PCDHGB1: variants seen among roughly 807,000 people sequenced by gnomAD.
The protein encoded by PCDHGB1 is protocadherin gamma subfamily B, 1.
PCDHGB1 carries 34 observed loss-of-function variants against 56.6 expected under a neutral mutation model. The ratio of observed to expected loss-of-function variants is 0.60; its 90% CI spans 0.46 to 0.80. The LOEUF (loss-of-function observed/expected upper bound fraction) is 0.80, where lower values mean the gene tolerates loss of function less well. PCDHGB1 is among the 30% of genes least tolerant of loss of function. The pLI is 0.00. For synonymous variants in PCDHGB1, 561 were observed against 505.9 expected, an observed-to-expected ratio of 1.11 and a Z score of -1.46; for missense variants, 1,278 against 1,204.6, an observed-to-expected ratio of 1.06 and a Z score of -0.90.
chr5:141,402,357 G>C (rs1486286220), intron 1 of PCDHGB1, among the ~76,000 whole-genome samples: 1 of 151,812 alleles, frequency 6.6e-6, no homozygotes, highest in Non-Finnish European at 1.5e-5. Flanking sequence ...AAAAATGAAT[G>C]TACTTCCAAA....
chr5:141,365,873 T>A, intron 1 of PCDHGB1: 4 of 1,614,096 alleles, frequency 2.5e-6, no homozygotes, highest in Non-Finnish European at 3.4e-6. Context: ...CGGTGTCCTG[T>A]ATGCTCTGAG....
rs768882594 is a variant in PCDHGB1, at chr5:141,360,320, C to T, written c.2409+7651C>T. Reference sequence around the variant, plus strand: ...CTGGGGCTCAGCGTCCGGGACTTGCCAGCCCGGAAGCTGCGGGTTAGCGCG... The same window carrying T: ...CTGGGGCTCAGCGTCCGGGACTTGCTAGCCCGGAAGCTGCGGGTTAGCGCG... On this transcript the variant is annotated intron_variant, in intron 1 of 3. Transcript: ENST00000523390. The T allele has an allele frequency of 1.1e-5, 18 of 1,613,930 alleles. No individual in the cohort carries two copies. Among genetic ancestry groups the T allele is most frequent in the Admixed American group, 6.7e-5 (4 of 60,022 alleles).
chr5:141,489,101 T>G lies in PCDHGB1; in HGVS notation c.2410-5706T>G. 1 of 398,408 alleles carries G rather than the reference T, an allele frequency of 2.5e-6. No homozygotes were observed. Among genetic ancestry groups the G allele is most frequent in the Non-Finnish European group, 4.5e-6 (1 of 223,328 alleles). The allele number at this position is 398,408 out of a possible 1,614,324, so 24.7% of individuals were successfully genotyped here. On this transcript the variant is annotated intron_variant, in intron 1 of 3. Transcript: ENST00000523390. The surrounding 1 kb of genome is among the most constrained non-coding windows in gnomAD (Gnocchi z 4.5). Reference sequence around the variant, plus strand: ...CCGCCACTCGGTGACTAAGAACTGCTGCAAGCAGGCAAACCTCCGAGCAGT... The same window carrying G: ...CCGCCACTCGGTGACTAAGAACTGCGGCAAGCAGGCAAACCTCCGAGCAGT...
chr5:141,432,649 A>C lies in PCDHGB1; in HGVS notation c.2410-62158A>C, dbSNP rs769351399. The C allele has an allele frequency of 5.6e-6, 9 of 1,613,742 alleles. No individual in the cohort carries two copies. The highest frequency in any genetic ancestry group is 6.8e-6 in the Non-Finnish European group (8 of 1,179,918). ...ACACGGGCGAGGTGCGCACGGCGCG[A>C]GCCCTGCTGGACAGAGACGCGCTCA... is the stretch of plus-strand genomic sequence containing the variant. On this transcript the variant is annotated intron_variant, in intron 1 of 3. Transcript: ENST00000523390. This position sits in a 1 kb window ranked among gnomAD's most constrained non-coding sequence, Gnocchi z 6.0.
Position 141,485,813 on chromosome 5 carries a change from G to A in PCDHGB1, c.2410-8994G>A. The A allele has an allele frequency of 1.9e-6, 3 of 1,614,078 alleles. No individual in the cohort carries two copies. Among genetic ancestry groups the A allele is most frequent in the Non-Finnish European group, 2.5e-6 (3 of 1,180,008 alleles). On this transcript the variant is annotated intron_variant, in intron 1 of 3. Coordinates refer to ENST00000523390, the MANE Select transcript of PCDHGB1 (RefSeq NM_018922.3). This position sits in a 1 kb window ranked among gnomAD's most constrained non-coding sequence, Gnocchi z 5.7. ...ATCGGACTACCGCCTGGTGCTGACT[G>A]CTGTCGATGGAGGGAACCCGCCGAG... is the stretch of plus-strand genomic sequence containing the variant.
At chr5:141,366,879 T>G (rs78336776) in intron 1 of PCDHGB1, 22 of 1,324,822 alleles carry the variant, frequency 1.7e-5, no homozygotes, top group Admixed American at 2.5e-5. Context: ...TGGAGATTAA[T>G]TTTTTTTATA....
Position 141,386,987 on chromosome 5 carries a change from A to G in PCDHGB1, c.2409+34318A>G, listed in dbSNP as rs147872708. 4.1e-3 allele frequency among the ~76,000 whole-genome samples: 628 copies of G among 152,308 alleles called. 4 individuals carry two copies. The highest frequency in any genetic ancestry group is 3.9e-3 in the Non-Finnish European group (262 of 68,032). ...CTCAGTGACTTTGTGTTTTGAGGCTATGTATTATCCCCCTGATAACTTTGA... is the reference window on the plus strand; with the variant it reads ...CTCAGTGACTTTGTGTTTTGAGGCTGTGTATTATCCCCCTGATAACTTTGA... On this transcript the variant is annotated intron_variant, in intron 1 of 3. Transcript: ENST00000523390.
Position 141,450,757 on chromosome 5 carries a change from G to A in PCDHGB1, c.2410-44050G>A, listed in dbSNP as rs575351311. Among the ~76,000 whole-genome samples, 5 of 151,964 alleles carry A rather than the reference G, an allele frequency of 3.3e-5. No individual in the cohort carries two copies. In the East Asian group the frequency reaches 9.7e-4, roughly 29 times the overall value. ...CCGCCTTGGCCTCCCAAAGTGCCGG[G>A]ATTACAGGCATGAGCCACCGTGCCC... On this transcript the variant is annotated intron_variant, in intron 1 of 3. Coordinates refer to ENST00000523390, the MANE Select transcript of PCDHGB1 (RefSeq NM_018922.3).
At position 141,477,751 on chromosome 5, in the gene PCDHGB1, G is replaced by T; in HGVS notation, c.2410-17056G>T. 1.2e-6 allele frequency: 2 copies of T among 1,613,830 alleles called. No homozygotes were observed. Among genetic ancestry groups the T allele is most frequent in the Non-Finnish European group, 1.7e-6 (2 of 1,180,022 alleles). On this transcript the variant is annotated intron_variant, in intron 1 of 3. Coordinates refer to ENST00000523390, the MANE Select transcript of PCDHGB1 (RefSeq NM_018922.3). This position sits in a 1 kb window ranked among gnomAD's most constrained non-coding sequence, Gnocchi z 4.9. ...CTCATATCAGCGATGGGGGCACCCC[G>T]GTCCTAGCCACCAACATCAGCGTGA...
chr5:141,505,078 C>G (rs535590642), intron 2 of PCDHGB1, among the ~76,000 whole-genome samples: 81 of 152,298 alleles, frequency 5.3e-4, no homozygotes, highest in African/African-American at 2.0e-3. Flanking sequence ...AGGAGAATCG[C>G]TTGAACCCAG....
intron 1 of PCDHGB1, among the ~76,000 whole-genome samples, chr5:141,472,712 G>A (rs1303609397): frequency 1.3e-5 from 2 of 151,972 alleles, no homozygotes; most frequent in Admixed American, 6.6e-5. Flanking sequence ...CAGGCCAGGC[G>A]CTGTGGCTCA....
In PCDHGB1 at chr5:141,512,133, G is replaced by A. The variant is rs1394116556; in HGVS notation, c.*960G>A. ...CCACTACATAATAGGGCTCAGCCCA[G>A]GCAGCCAGCTTTGGGCTGAGCTAAC... On this transcript the variant is annotated 3_prime_UTR_variant, in exon 4 of 4. Coordinates refer to ENST00000523390, the MANE Select transcript of PCDHGB1 (RefSeq NM_018922.3). 3 of 152,708 alleles carry A rather than the reference G, an allele frequency of 2.0e-5. No homozygotes were observed. Among genetic ancestry groups the A allele is most frequent in the Non-Finnish European group, 2.9e-5 (2 of 68,102 alleles). 9.5% of individuals were successfully genotyped at this position (152,708 alleles called of 1,614,324 possible).
Position 141,489,552 on chromosome 5 carries a change from G to T in PCDHGB1, c.2410-5255G>T, listed in dbSNP as rs2099688780. ...GTGGAGCCAGCACCAGCTGCCTGCTGCCAGTGCAGGTGGTGACTGAACACC... is the reference window on the plus strand; with the variant it reads ...GTGGAGCCAGCACCAGCTGCCTGCTTCCAGTGCAGGTGGTGACTGAACACC... On this transcript the variant is annotated intron_variant, in intron 1 of 3. Coordinates refer to ENST00000523390, the MANE Select transcript of PCDHGB1 (RefSeq NM_018922.3). The surrounding 1 kb of genome is among the most constrained non-coding windows in gnomAD (Gnocchi z 4.5). The T allele has an allele frequency of 6.2e-7, 1 of 1,613,988 alleles. No homozygotes were observed. The highest frequency in any genetic ancestry group is 1.7e-5 in the Admixed American group (1 of 60,000).
rs758674133 is a variant in PCDHGB1 at position 141,371,791 on chromosome 5, C to T, written c.2409+19122C>T. 1.9e-6 allele frequency: 3 copies of T among 1,613,820 alleles called. No homozygotes were observed. In the African/African-American group the frequency reaches 4.0e-5, roughly 22 times the overall value. The stretch of plus-strand genomic sequence containing the variant: ...ACCGTGCATGTAGCTGAGAACAATC[C>T]GCCTGGAGCCTCCATTGCGCATGTC... On this transcript the variant is annotated intron_variant, in intron 1 of 3. Coordinates refer to ENST00000523390, the MANE Select transcript of PCDHGB1 (RefSeq NM_018922.3).
intron 1 of PCDHGB1, among the ~76,000 whole-genome samples, chr5:141,451,090 A>G (rs2098706546): frequency 6.6e-6 from 1 of 151,864 alleles, no homozygotes; most frequent in Non-Finnish European, 1.5e-5. Context: ...GACCTCCCAA[A>G]GTGTTGGGAT....
Position 141,493,022 on chromosome 5 carries a change from G to C in PCDHGB1, c.2410-1785G>C, listed in dbSNP as rs1184742888. On this transcript the variant is annotated intron_variant, in intron 1 of 3. Transcript: ENST00000523390. This position sits in a 1 kb window ranked among gnomAD's most constrained non-coding sequence, Gnocchi z 4.3. Reference sequence around the variant, plus strand: ...GCTATAGGCTCTGCCAGATGCCAGGGTGCCCTTATGTGTGAGGAAACTACA... The same window carrying C: ...GCTATAGGCTCTGCCAGATGCCAGGCTGCCCTTATGTGTGAGGAAACTACA... Among the ~76,000 whole-genome samples the C allele has an allele frequency of 6.6e-6, 1 of 152,222 alleles. No individual in the cohort carries two copies. Among genetic ancestry groups the C allele is most frequent in the Non-Finnish European group, 1.5e-5 (1 of 68,040 alleles).
chr5:141,451,914 A>G (rs1387569597), intron 1 of PCDHGB1, among the ~76,000 whole-genome samples: 3 of 152,022 alleles, frequency 2.0e-5, no homozygotes, highest in East Asian at 1.9e-4. Context: ...GGGAGGGAGG[A>G]AGGAAGGGAG....
At chr5:141,360,644 A>C (rs1761688095) in intron 1 of PCDHGB1, 1 of 1,613,994 alleles carries the variant, frequency 6.2e-7, no homozygotes, top group Non-Finnish European at 8.5e-7. Flanking sequence ...CTACAAAGAT[A>C]CCACCTTAAT....
In PCDHGB1 at chr5:141,351,841, A is replaced by G. The variant is rs3749777; in HGVS notation, c.1581A>G (p.Thr527=). The G allele has an allele frequency of 0.095, 152,910 of 1,613,066 alleles. 8,979 individuals carry two copies. Among genetic ancestry groups the G allele is most frequent in the African/African-American group, 0.29 (21,571 of 75,026 alleles). ...AGCAGCTGCGCGCCTTCGAGCTCAC[A>G]CTGCAGGCCAGGGACCAGGGCTCCC... ...DHEQLRAFEL[T]LQARDQGSPA... is the part of the protein sequence containing the mutation. Residue 527 remains threonine, a synonymous_variant, in exon 1 of 4, where the codon ACA becomes ACG. Coordinates refer to ENST00000523390, the MANE Select transcript of PCDHGB1 (RefSeq NM_018922.3).
Sources: allele counts gnomAD v4.1 joint callset (sites outside exome capture counted in the v4.1 genomes callset), GRCh38; gene constraint gnomAD v4.1.1; non-coding constraint Gnocchi (gnomAD v3.1); transcripts MANE v1.5; gene names NCBI Gene and HGNC (gene_info 2026-07-23, HGNC 2026-07-21).